The following ASIP variants were observed in gnomAD, a reference collection of about 807,000 sequenced individuals.
ASIP encodes agouti-signaling protein.
ASIP carries 11 observed loss-of-function variants against 10.3 expected under a neutral mutation model. The observed-to-expected ratio is 1.07, with a 90% CI of 0.68 to 1.78. ASIP has a LOEUF of 1.78. ASIP is among the 40% of genes most tolerant of loss of function. ASIP has a pLI of 0.00. For synonymous variants in ASIP, 70 were observed against 70.8 expected (o/e 0.99, Z 0.06); for missense variants, 180 against 169.2 (o/e 1.06, Z -0.35).
intron 1 of ASIP, among the ~76,000 whole-genome samples, chr20:34,209,447 T>C (rs932855205): frequency 2.6e-5 from 4 of 152,172 alleles, no homozygotes; most frequent in Non-Finnish European, 5.9e-5. Flanking sequence ...CCCTCCTGGA[T>C]GCAGCTACAG....
intron 1 of ASIP, among the ~76,000 whole-genome samples, chr20:34,209,978 A>G (rs1239299081): frequency 1.3e-5 from 2 of 152,174 alleles, no homozygotes; most frequent in African/African-American, 4.8e-5. Context: ...GAGGCCCATA[A>G]GAGCCCCCAA....
chr20:34,228,832 T>C (rs1432008866), intron 1 of ASIP, among the ~76,000 whole-genome samples: 1 of 392 alleles, frequency 2.6e-3, no homozygotes, highest in African/African-American at 9.4e-3. Flanking sequence ...AAAGCACATC[T>C]TGCACCGCCC....
chr20:34,199,143 AATTTGTTTATCC>A (rs1179005429), intron 1 of ASIP, among the ~76,000 whole-genome samples: 4 of 150,232 alleles, frequency 2.7e-5, no homozygotes, highest in East Asian at 3.9e-4. Context: ...TGAATACCAC[AATTTGTTTATCC>A]ATTTGTTTAT....
chr20:34,200,956 C>T (rs2034888659), intron 1 of ASIP, among the ~76,000 whole-genome samples: 2 of 103,460 alleles, frequency 1.9e-5, no homozygotes, highest in South Asian at 5.6e-4. Context: ...GATTTTCTTT[C>T]TTTCTTTCTT....
At chr20:34,207,467 C>G (rs1435872865) in intron 1 of ASIP, among the ~76,000 whole-genome samples, 2 of 152,124 alleles carry the variant, frequency 1.3e-5, no homozygotes, top group East Asian at 3.8e-4. Context: ...AATATTTTCC[C>G]ATTCTGTAGG....
chr20:34,252,230 C>T (rs184632468), intron 1 of ASIP, among the ~76,000 whole-genome samples: 35 of 152,224 alleles, frequency 2.3e-4, no homozygotes, highest in Middle Eastern at 3.4e-3. Flanking sequence ...CCCAGGAGAC[C>T]GGTGCTCAGT....
Position 34,207,285 on chromosome 20 carries a change from A to G in ASIP, c.-11+12525A>G, listed in dbSNP as rs187000739. Among the ~76,000 whole-genome samples the G allele has an allele frequency of 6.7e-3, 1,013 of 152,188 alleles. 8 individuals carry two copies. Among genetic ancestry groups the G allele is most frequent in the Middle Eastern group, 0.02 (6 of 294 alleles). On this transcript the variant is annotated intron_variant, in intron 1 of 3. Coordinates refer to the ASIP transcript ENST00000568305. The stretch of plus-strand genomic sequence containing the variant: ...AAATCTCACTGTGGTTTTGATTTGT[A>G]TTTCCCTGATGATTAGTGATATTGA...
At chr20:34,187,987 T>G in the ASIP span, among the ~76,000 whole-genome samples, 1 of 152,240 alleles carries the variant, frequency 6.6e-6, no homozygotes, top group African/African-American at 2.4e-5. Flanking sequence ...TGTTTAGACT[T>G]CAGGCTGAGC....
chr20:34,194,086 G>T (rs564195488), upstream of ASIP, among the ~76,000 whole-genome samples: 2 of 152,150 alleles, frequency 1.3e-5, no homozygotes, highest in Non-Finnish European at 2.9e-5. Flanking sequence ...CCTGCTCCCT[G>T]GAGGAAAACC....
At chr20:34,222,959 G>A (rs2035059786) in intron 1 of ASIP, among the ~76,000 whole-genome samples, 1 of 152,082 alleles carries the variant, frequency 6.6e-6, no homozygotes, top group Non-Finnish European at 1.5e-5. Flanking sequence ...GAGTGCAGTG[G>A]CGTGATCTCG....
intron 1 of ASIP, among the ~76,000 whole-genome samples, chr20:34,241,782 G>A (rs769175948): frequency 2.0e-5 from 3 of 151,990 alleles, no homozygotes; most frequent in South Asian, 2.1e-4. Context: ...CCTAAATATC[G>A]ACCCTGACCC....
At chr20:34,268,876 C>A in intron 3 of ASIP, 115 bp from the exon 4 acceptor site, 1 of 1,348,656 alleles carries the variant, frequency 7.4e-7, no homozygotes. Flanking sequence ...GGTGGGCAAG[C>A]CAGCGGGGAA....
chr20:34,237,211 G>C (rs2035222184), upstream of ASIP, among the ~76,000 whole-genome samples: 1 of 151,814 alleles, frequency 6.6e-6, no homozygotes, highest in African/African-American at 2.4e-5. Flanking sequence ...GGCTATTTGG[G>C]GTCCTTTGAG....
intron 3 of ASIP, 108 bp from the exon 4 acceptor site, chr20:34,268,883 G>C (rs1313198070): frequency 7.1e-7 from 1 of 1,402,076 alleles, no homozygotes; most frequent in Non-Finnish European, 9.7e-7. Flanking sequence ...AAGCCAGCGG[G>C]GAAACCTCTG....
At chr20:34,263,630 T>C (rs2035734028) in intron 3 of ASIP, among the ~76,000 whole-genome samples, 1 of 151,904 alleles carries the variant, frequency 6.6e-6, no homozygotes, top group Non-Finnish European at 1.5e-5. Context: ...TTTGAACTCA[T>C]GGGTCCACTT....
At chr20:34,202,266 C>T (rs992889052) in intron 1 of ASIP, among the ~76,000 whole-genome samples, 7 of 152,074 alleles carry the variant, frequency 4.6e-5, no homozygotes, top group Admixed American at 2.0e-4. Context: ...GGCTACTGAG[C>T]GCTTGAAATA....
chr20:34,195,176 A>G (rs2034847000), intron 1 of ASIP, among the ~76,000 whole-genome samples: 2 of 151,808 alleles, frequency 1.3e-5, no homozygotes, highest in Non-Finnish European at 2.9e-5. Context: ...CTGTACCAGA[A>G]TGCAGAGCCC....
chr20:34,268,515 G>C (rs566484214), intron 3 of ASIP, among the ~76,000 whole-genome samples: 4 of 152,216 alleles, frequency 2.6e-5, no homozygotes, highest in Non-Finnish European at 5.9e-5. Flanking sequence ...TTTAGCTCAA[G>C]AGTTTGAGAC....
intron 1 of ASIP, among the ~76,000 whole-genome samples, chr20:34,211,808 G>A (rs1205690760): frequency 1.3e-5 from 2 of 151,944 alleles, no homozygotes; most frequent in Non-Finnish European, 2.9e-5. Flanking sequence ...CTTTTTTCTT[G>A]TGCTACTCCT....
Sources: allele counts gnomAD v4.1 joint callset (sites outside exome capture counted in the v4.1 genomes callset), GRCh38; gene constraint gnomAD v4.1.1; transcripts MANE v1.5; gene names NCBI Gene and HGNC (gene_info 2026-07-23, HGNC 2026-07-21).